The following DEUP1 variants were observed in gnomAD, a reference collection of about 807,000 sequenced individuals.
The protein encoded by DEUP1 is deuterosome assembly protein 1, also known as coiled-coil domain containing 67.
In DEUP1, 82 loss-of-function variants were observed where a neutral mutation model predicts 87.4. The ratio of observed to expected loss-of-function variants is 0.94; its 90% CI spans 0.78 to 1.13. The LOEUF is 1.13. Among genes scored for constraint, DEUP1 ranks in the 50% most tolerant of loss-of-function variants. The pLI, the probability that DEUP1 is intolerant of heterozygous loss-of-function variation, is 0.00. For missense variants in DEUP1, 663 were observed against 681.5 expected (o/e 0.97, Z 0.30); for synonymous variants, 214 against 222.7 (o/e 0.96, Z 0.35).
At chr11:93,407,895 C>T (rs1947326233) in intron 11 of DEUP1, among the ~76,000 whole-genome samples, 1 of 150,766 alleles carries the variant, frequency 6.6e-6, no homozygotes, top group Non-Finnish European at 1.5e-5. Context: ...ATTACTTCTG[C>T]ACCAACCTAA....
chr11:93,420,406 C>T (rs1224559042), intron 13 of DEUP1, among the ~76,000 whole-genome samples: 10 of 152,296 alleles, frequency 6.6e-5, no homozygotes, highest in African/African-American at 1.2e-4. Flanking sequence ...ATTCATGGGA[C>T]GTATCTCAAA....
Position 93,355,545 on chromosome 11 carries a change from A to G in DEUP1, c.201+3A>G, listed in dbSNP as rs1258894551. ...GTTTGGATCAGAAAGGTCAAGAGGT[A>G]CTGAATACATATGTTAACAAATTGC... On this transcript the variant is annotated splice_donor_region_variant and intron_variant, in intron 3 of 13. Transcript: ENST00000298050. 6 of 1,611,114 alleles carry G rather than the reference A, an allele frequency of 3.7e-6. No individual in the cohort carries two copies. In the African/African-American group the frequency reaches 8.0e-5, roughly 22 times the overall value.
intron 12 of DEUP1, among the ~76,000 whole-genome samples, chr11:93,410,533 T>A (rs1351579831): frequency 6.6e-6 from 1 of 152,168 alleles, no homozygotes; most frequent in African/African-American, 2.4e-5. Flanking sequence ...TATAGTTGCC[T>A]CATTGCGAGA....
intron 2 of DEUP1, among the ~76,000 whole-genome samples, chr11:93,335,735 A>C (rs1377939491): frequency 6.6e-6 from 1 of 152,228 alleles, no homozygotes; most frequent in Non-Finnish European, 1.5e-5. Flanking sequence ...TACTTTAATC[A>C]ATAATATCTT....
chr11:93,375,414 G>A (rs1157605618), intron 7 of DEUP1, among the ~76,000 whole-genome samples: 2 of 152,152 alleles, frequency 1.3e-5, no homozygotes, highest in African/African-American at 4.8e-5. Context: ...AATGTTGGCT[G>A]TGGGTTTGTC....
chr11:93,394,538 C>T lies in DEUP1; in HGVS notation c.1121C>T (p.Thr374Ile), dbSNP rs1398557678. Residue 374 changes from threonine to isoleucine, a missense_variant, in exon 10 of 14, where the codon ACA becomes ATA. Coordinates refer to ENST00000298050, the MANE Select transcript of DEUP1 (RefSeq NM_181645.4). ...ERMRNEISDL[T>I]EELHQKEITI... ...ATGAGGAATGAAATCTCTGACCTAACAGAAGAGCTTCATCAGAAGGAGATC... is the reference window on the plus strand; with the variant it reads ...ATGAGGAATGAAATCTCTGACCTAATAGAAGAGCTTCATCAGAAGGAGATC... The T allele has an allele frequency of 1.2e-6, 2 of 1,611,506 alleles. No individual in the cohort carries two copies. Among genetic ancestry groups the T allele is most frequent in the Non-Finnish European group, 1.7e-6 (2 of 1,178,768 alleles).
intron 11 of DEUP1, among the ~76,000 whole-genome samples, chr11:93,399,176 C>CAT (rs146955759): frequency 1.3e-4 from 19 of 150,500 alleles, no homozygotes; most frequent in South Asian, 6.3e-4. Context: ...CTTCTTGTTA[C>CAT]ATATATATAT....
At position 93,401,265 on chromosome 11, in the gene DEUP1, C is replaced by T. The variant is rs145132721; in HGVS notation, c.1326+4940C>T. Among the ~76,000 whole-genome samples, 26 of 151,904 alleles carry T rather than the reference C, an allele frequency of 1.7e-4. 1 individual carries two copies. The highest frequency in any genetic ancestry group is 4.8e-4 in the African/African-American group (20 of 41,456). ...AAGTGAAAGATATATACAAGGAAAACTATATATCTCTGATGAAAGAAATTG... is the reference window on the plus strand; with the variant it reads ...AAGTGAAAGATATATACAAGGAAAATTATATATCTCTGATGAAAGAAATTG... On this transcript the variant is annotated intron_variant, in intron 11 of 13. Transcript: ENST00000298050.
intron 5 of DEUP1, 108 bp from the exon 6 acceptor site, chr11:93,369,965 T>TA: frequency 1.7e-6 from 1 of 584,468 alleles, no homozygotes; most frequent in African/African-American, 2.0e-5. Context: ...AGAATGGATT[T>TA]ACTTTTTTTT....
chr11:93,376,824 T>C (rs1272256473), intron 7 of DEUP1, among the ~76,000 whole-genome samples: 1 of 152,212 alleles, frequency 6.6e-6, no homozygotes, highest in African/African-American at 2.4e-5. Flanking sequence ...GTGTTACTAT[T>C]ATCGTTCAGT....
intron 13 of DEUP1, among the ~76,000 whole-genome samples, chr11:93,429,733 T>G (rs1191715535): frequency 1.3e-5 from 2 of 152,180 alleles, no homozygotes; most frequent in African/African-American, 4.8e-5. Context: ...GGGTCAGCAC[T>G]AGTAGGCACA....
intron 2 of DEUP1, 88 bp downstream of exon 2, chr11:93,332,376 TTAA>T (rs765453855): frequency 8.8e-5 from 91 of 1,036,106 alleles, no homozygotes; most frequent in Non-Finnish European, 1.2e-4. Flanking sequence ...AAATTTACTA[TTAA>T]TAGAAGGATA....
chr11:93,338,886 T>A (rs1424219200), intron 2 of DEUP1, among the ~76,000 whole-genome samples: 1 of 152,046 alleles, frequency 6.6e-6, no homozygotes, highest in Non-Finnish European at 1.5e-5. Context: ...TGTGAAAAAA[T>A]GAAGAGAATC....
intron 3 of DEUP1, among the ~76,000 whole-genome samples, chr11:93,356,716 A>T (rs1013974725): frequency 2.0e-5 from 3 of 152,142 alleles, no homozygotes; most frequent in African/African-American, 7.2e-5. Flanking sequence ...GATGATAAGG[A>T]TCTTTTGTTA....
chr11:93,349,036 A>G (rs1270506624), intron 2 of DEUP1, among the ~76,000 whole-genome samples: 1 of 152,206 alleles, frequency 6.6e-6, no homozygotes, highest in Non-Finnish European at 1.5e-5. Context: ...CCTCTGTGAT[A>G]GCCTACCCTC....
At chr11:93,401,951 A>AT (rs1947133177) in intron 11 of DEUP1, among the ~76,000 whole-genome samples, 1 of 151,940 alleles carries the variant, frequency 6.6e-6, no homozygotes, top group Non-Finnish European at 1.5e-5. Context: ...CTGAGCAAAG[A>AT]TTTTTTTGTG....
chr11:93,394,138 A>T (rs1457077852), intron 9 of DEUP1, among the ~76,000 whole-genome samples: 1 of 152,062 alleles, frequency 6.6e-6, no homozygotes, highest in Non-Finnish European at 1.5e-5. Context: ...TTTAAAGCCA[A>T]TTTTTTTCTC....
chr11:93,415,014 G>C lies in DEUP1; in HGVS notation c.1538G>C (p.Cys513Ser). Residue 513 changes from cysteine to serine, a missense_variant, in exon 13 of 14, where the codon TGT (cysteine) becomes TCT (serine). Coordinates refer to ENST00000298050, the MANE Select transcript of DEUP1 (RefSeq NM_181645.4). ...EQNEERLSHD[C>S]EPNRSTMPPL... ...TTCTCTTTTAGACTTAGTCATGACT[G>C]TGAGCCAAACAGAAGTACAATGCCT... The C allele has an allele frequency of 6.3e-7, 1 of 1,577,364 alleles. No individual in the cohort carries two copies. The highest frequency in any genetic ancestry group is 8.6e-7 in the Non-Finnish European group (1 of 1,164,806).
intron 9 of DEUP1, among the ~76,000 whole-genome samples, chr11:93,393,069 C>A (rs2134357252): frequency 7.2e-6 from 1 of 138,386 alleles, no homozygotes; most frequent in East Asian, 2.1e-4. Flanking sequence ...CCTCCTCCTT[C>A]TTCTTCTCTT....
Sources: allele counts gnomAD v4.1 joint callset (sites outside exome capture counted in the v4.1 genomes callset), GRCh38; gene constraint gnomAD v4.1.1; transcripts MANE v1.5; gene names NCBI Gene and HGNC (gene_info 2026-07-23, HGNC 2026-07-21).